PRKRA: variants seen among roughly 807,000 people sequenced by gnomAD.
PRKRA encodes protein activator of interferon induced protein kinase EIF2AK2, also known as interferon-inducible double-stranded RNA-dependent protein kinase activator A.
PRKRA carries 22 observed loss-of-function variants against 32.4 expected under a neutral mutation model. The ratio of observed to expected loss-of-function variants is 0.68; its 90% CI spans 0.49 to 0.97. PRKRA has a LOEUF of 0.97. Ranked by LOEUF, PRKRA falls within the 50% of genes least tolerant of loss-of-function variation. PRKRA has a pLI of 0.00. For missense variants in PRKRA, 319 were observed against 375.6 expected (o/e 0.85, Z 1.25); for synonymous variants, 139 against 129.8 (o/e 1.07, Z -0.48).
chr2:178,444,601 G>A, intron 3 of PRKRA, 101 bp from the exon 4 acceptor site: 1 of 717,372 alleles, frequency 1.4e-6, no homozygotes, highest in Admixed American at 2.6e-5. Flanking sequence ...CTTTGCTCTT[G>A]TCATTCCTTC....
intron 3 of PRKRA, 133 bp downstream of exon 3, chr2:178,447,372 T>A: frequency 6.8e-7 from 1 of 1,470,182 alleles, no homozygotes; most frequent in East Asian, 2.3e-5. Flanking sequence ...TAAGTTTTCA[T>A]AAGGAAATAG....
At chr2:178,437,759 G>C (rs1348650616) in intron 6 of PRKRA, among the ~76,000 whole-genome samples, 1 of 152,054 alleles carries the variant, frequency 6.6e-6, no homozygotes, top group Admixed American at 6.6e-5. Context: ...CAATCTAAAA[G>C]GTGAAAATAT....
At chr2:178,435,220 G>GA (rs75303596) in intron 7 of PRKRA, among the ~76,000 whole-genome samples, 101 of 141,442 alleles carry the variant, frequency 7.1e-4, no homozygotes, top group South Asian at 2.0e-3. Context: ...CCATCTTGGG[G>GA]AAAAAAAAAA....
chr2:178,444,405 A>G lies in PRKRA; in HGVS notation c.396+17T>C. ...TATTATATATTTCATCAGTAGGCAAAGAACTGTACAACTTACCTGTAATGA... is the reference window on the plus strand; with the variant it reads ...TATTATATATTTCATCAGTAGGCAAGGAACTGTACAACTTACCTGTAATGA... On this transcript the variant is annotated intron_variant, in intron 4 of 7. Coordinates refer to ENST00000325748, the MANE Select transcript of PRKRA (RefSeq NM_003690.5). 1.3e-6 allele frequency: 1 copy of G among 746,634 alleles called. No homozygotes were observed. The allele number at this position is 746,634 out of a possible 1,614,324, so 46.3% of individuals were successfully genotyped here. A position where few individuals can be genotyped will look rare whatever the true frequency, so the allele number is the denominator to read the frequency against.
chr2:178,446,614 G>A (rs1482812821), intron 3 of PRKRA, among the ~76,000 whole-genome samples: 1 of 152,152 alleles, frequency 6.6e-6, no homozygotes, highest in African/African-American at 2.4e-5. Context: ...ATATGTAAGT[G>A]TATGCACAAG....
At chr2:178,435,862 T>C (rs1696870451) in intron 7 of PRKRA, among the ~76,000 whole-genome samples, 1 of 152,370 alleles carries the variant, frequency 6.6e-6, no homozygotes, top group Admixed American at 6.5e-5. Flanking sequence ...ATTCAGTAAG[T>C]AGATACGTGT....
At position 178,450,431 on chromosome 2, in the gene PRKRA, G is replaced by A; in HGVS notation, c.66-20C>T. 5.9e-6 allele frequency: 5 copies of A among 853,978 alleles called. No individual in the cohort carries two copies. The highest frequency in any genetic ancestry group is 8.2e-6 in the Non-Finnish European group (5 of 611,098). 52.9% of individuals were successfully genotyped at this position (853,978 alleles called of 1,614,324 possible). A position where few individuals can be genotyped will look rare whatever the true frequency, so the allele number is the denominator to read the frequency against. On this transcript the variant is annotated intron_variant, in intron 1 of 7. Transcript: ENST00000325748. ...CCCAAACTGCAAAAACCACAAAAAG[G>A]TGTGCTTTGCATGCCAAATTGGAGA...
chr2:178,435,383 CAAAAAAAAAA>C (rs765962501), intron 7 of PRKRA, among the ~76,000 whole-genome samples: 3 of 61,436 alleles, frequency 4.9e-5, no homozygotes, highest in Admixed American at 1.8e-4. Flanking sequence ...TACTCCGTCT[CAAAAAAAAAA>C]AAAAAAAAAA....
intron 4 of PRKRA, 162 bp from the exon 5 acceptor site, chr2:178,443,546 C>A: frequency 8.5e-6 from 5 of 586,658 alleles, no homozygotes; most frequent in Non-Finnish European, 3.0e-6. Context: ...CAAAGACATT[C>A]CCGCATTTTA....
chr2:178,444,464 G>C lies in PRKRA; in HGVS notation c.354C>G (p.Ser118=). The C allele has an allele frequency of 6.2e-7, 1 of 1,607,138 alleles. No homozygotes were observed. The highest frequency in any genetic ancestry group is 1.3e-5 in the African/African-American group (1 of 74,722). Residue 118 remains serine, a synonymous_variant, in exon 4 of 8, where the codon TCC becomes TCG. Coordinates refer to ENST00000325748, the MANE Select transcript of PRKRA (RefSeq NM_003690.5). ...AVPDPLMPDP[S]KQPKNQLNPI... ...GATTAAGCTGGTTCTTTGGTTGCTTGGAAGGGTCAGGCATTAAGGGGTCAG... is the reference window on the plus strand; with the variant it reads ...GATTAAGCTGGTTCTTTGGTTGCTTCGAAGGGTCAGGCATTAAGGGGTCAG...
In PRKRA at chr2:178,431,875, T is replaced by C; in HGVS notation, c.*222A>G. On this transcript the variant is annotated 3_prime_UTR_variant, in exon 8 of 8. Coordinates refer to ENST00000325748, the MANE Select transcript of PRKRA (RefSeq NM_003690.5). ...GTAAAATGGGTGCTACACTCTCTCT[T>C]GTGGTACAAAGTTTATAAATACAGT... 1 of 600,848 alleles carries C rather than the reference T, an allele frequency of 1.7e-6. No individual in the cohort carries two copies. The highest frequency in any genetic ancestry group is 2.9e-6 in the Non-Finnish European group (1 of 346,762). 37.2% of individuals were successfully genotyped at this position (600,848 alleles called of 1,614,324 possible).
At chr2:178,441,373 A>G (rs1438872394) in intron 6 of PRKRA, among the ~76,000 whole-genome samples, 7 of 152,200 alleles carry the variant, frequency 4.6e-5, no homozygotes, top group Non-Finnish European at 1.0e-4. Context: ...TCATCTTTAG[A>G]TCCCGTCCTA....
intron 5 of PRKRA, among the ~76,000 whole-genome samples, chr2:178,441,915 C>A (rs1482727071): frequency 6.7e-6 from 1 of 148,538 alleles, no homozygotes; most frequent in African/African-American, 2.5e-5. Context: ...GAGACGGACC[C>A]TCACTTTGTC....
At chr2:178,434,780 T>C (rs974481367) in intron 7 of PRKRA, among the ~76,000 whole-genome samples, 9 of 152,046 alleles carry the variant, frequency 5.9e-5, no homozygotes, top group Non-Finnish European at 1.2e-4. Flanking sequence ...GGTCCCCACA[T>C]CTTTCTGTGG....
At position 178,431,942 on chromosome 2, in the gene PRKRA, C is replaced by G; in HGVS notation, c.*155G>C. On this transcript the variant is annotated 3_prime_UTR_variant, in exon 8 of 8. Coordinates refer to ENST00000325748, the MANE Select transcript of PRKRA (RefSeq NM_003690.5). ...GAAGCCATTAAAAAGAGCTTAATAA[C>G]AACTATGAGGAGATAATTAAATCTG... 2 of 916,834 alleles carry G rather than the reference C, an allele frequency of 2.2e-6. No individual in the cohort carries two copies. The highest frequency in any genetic ancestry group is 3.3e-4 in the Middle Eastern group (1 of 3,002). The allele number at this position is 916,834 out of a possible 1,614,324, so 56.8% of individuals were successfully genotyped here.
chr2:178,441,988 C>G lies in PRKRA; in HGVS notation c.515-284G>C, dbSNP rs570901609. On this transcript the variant is annotated intron_variant, in intron 5 of 7. Coordinates refer to ENST00000325748, the MANE Select transcript of PRKRA (RefSeq NM_003690.5). ...GCAACCTCCGCCTCCTGGGTTCAAG[C>G]AATTCTCCTGCTTCAGCCTCCCAAG... Among the ~76,000 whole-genome samples the G allele has an allele frequency of 1.4e-3, 218 of 151,042 alleles. 5 individuals carry two copies. The South Asian group carries it at 0.022, about 15-fold the overall frequency.
chr2:178,450,458 T>C lies in PRKRA; in HGVS notation c.66-47A>G, dbSNP rs763270183. On this transcript the variant is annotated intron_variant, in intron 1 of 7. Transcript: ENST00000325748. ...GTGCTTTGCATGCCAAATTGGAGAT[T>C]GAAGCAGAAGCGTAGAGGCCAGTTT... 9 of 1,576,266 alleles carry C rather than the reference T, an allele frequency of 5.7e-6. No homozygotes were observed. The East Asian group carries it at 2.8e-4, about 50-fold the overall frequency.
At chr2:178,437,758 A>C (rs1167455719) in intron 6 of PRKRA, among the ~76,000 whole-genome samples, 1 of 152,238 alleles carries the variant, frequency 6.6e-6, no homozygotes, top group African/African-American at 2.4e-5. Context: ...CCAATCTAAA[A>C]GGTGAAAATA....
At position 178,447,602 on chromosome 2, in the gene PRKRA, AAAAAAG is replaced by A; in HGVS notation, c.236-22_236-17del. Reference sequence around the variant, plus strand: ...GTACCTTCACCTGAATTAAGATTTAAAAAAAGAAGTCTTTATCTCCCACAAAAATGT... The same window carrying A: ...GTACCTTCACCTGAATTAAGATTTAAAAGTCTTTATCTCCCACAAAAATGT... On this transcript the variant is annotated splice_polypyrimidine_tract_variant and intron_variant, in intron 2 of 7. Coordinates refer to ENST00000325748, the MANE Select transcript of PRKRA (RefSeq NM_003690.5). The A allele has an allele frequency of 1.3e-6, 1 of 795,236 alleles. No homozygotes were observed. Among genetic ancestry groups the A allele is most frequent in the Non-Finnish European group, 1.8e-6 (1 of 550,970 alleles). 49.3% of individuals were successfully genotyped at this position (795,236 alleles called of 1,614,324 possible). A position where few individuals can be genotyped will look rare whatever the true frequency, so the allele number is the denominator to read the frequency against.
Sources: gnomAD v4.1 joint callset for allele counts (sites outside exome capture counted in the v4.1 genomes callset) on GRCh38, gnomAD v4.1.1 for gene constraint, MANE v1.5 for transcripts, NCBI Gene and HGNC (gene_info 2026-07-23, HGNC 2026-07-21) for gene names.